The following OR9Q1 variants were observed in gnomAD, a reference collection of about 807,000 sequenced individuals.
OR9Q1 encodes the protein olfactory receptor 9Q1.
For synonymous variants in OR9Q1, 153 were observed against 148.6 expected, an observed-to-expected ratio of 1.03 and a Z score of -0.22; for missense variants, 374 against 378.8, an observed-to-expected ratio of 0.99 and a Z score of 0.11.
chr11:58,111,514 A>C (rs1853898921), intron 2 of OR9Q1, among the ~76,000 whole-genome samples: 1 of 152,142 alleles, frequency 6.6e-6, no homozygotes, highest in South Asian at 2.1e-4. Context: ...GAAATAGAAA[A>C]ATTATTTCAG....
At position 58,088,281 on chromosome 11, in the gene OR9Q1, T is replaced by A. The variant is rs187343160; in HGVS notation, c.-15+32334T>A. 6.1e-3 allele frequency among the ~76,000 whole-genome samples: 927 copies of A among 152,130 alleles called. 10 individuals carry two copies. Among genetic ancestry groups the A allele is most frequent in the Middle Eastern group, 0.01 (3 of 294 alleles). On this transcript the variant is annotated intron_variant, in intron 2 of 2. Coordinates refer to ENST00000335397, the MANE Select transcript of OR9Q1 (RefSeq NM_001005212.4). ...ATTGTAAATAGTGCTGCAATAAACA[T>A]ATGTGTGCATGTGTCTTTATAGTAG...
At chr11:58,073,654 C>T (rs914196619) in intron 2 of OR9Q1, 1 of 152,126 alleles carries the variant, frequency 6.6e-6, no homozygotes, top group African/African-American at 2.4e-5. Flanking sequence ...TTTTATTATA[C>T]TTTAAGTTCT....
intron 1 of OR9Q1, among the ~76,000 whole-genome samples, chr11:58,048,153 A>G (rs908747095): frequency 6.6e-6 from 1 of 152,178 alleles, no homozygotes; most frequent in African/African-American, 2.4e-5. Context: ...CAATCCATCC[A>G]TACGAATTAC....
intron 1 of OR9Q1, among the ~76,000 whole-genome samples, chr11:58,045,731 C>T (rs1565059013): frequency 6.6e-6 from 1 of 152,162 alleles, no homozygotes; most frequent in Non-Finnish European, 1.5e-5. Flanking sequence ...GACTAATTTT[C>T]CCCTAGCCCC....
intron 2 of OR9Q1, among the ~76,000 whole-genome samples, chr11:58,155,297 A>G (rs1217430802): frequency 1.3e-5 from 2 of 152,200 alleles, no homozygotes; most frequent in Non-Finnish European, 2.9e-5. Context: ...CTCAAAGTCA[A>G]CTGATTTAAA....
chr11:58,124,104 T>A (rs1854064348), intron 2 of OR9Q1, among the ~76,000 whole-genome samples: 1 of 152,072 alleles, frequency 6.6e-6, no homozygotes, highest in African/African-American at 2.4e-5. Context: ...AGGGAAAAAT[T>A]TTAGGAGCAG....
At chr11:58,101,246 T>G (rs2120086201) in intron 2 of OR9Q1, among the ~76,000 whole-genome samples, 1 of 152,270 alleles carries the variant, frequency 6.6e-6, no homozygotes, top group East Asian at 1.9e-4. Flanking sequence ...TAATTTACAT[T>G]TTCACCAGCA....
chr11:58,063,962 T>A (rs1314922839), intron 2 of OR9Q1, among the ~76,000 whole-genome samples: 1 of 152,178 alleles, frequency 6.6e-6, no homozygotes, highest in Non-Finnish European at 1.5e-5. Context: ...AATGAGATGA[T>A]CCTAGCCTGG....
intron 2 of OR9Q1, among the ~76,000 whole-genome samples, chr11:58,084,837 A>G (rs1238380228): frequency 1.3e-5 from 2 of 151,840 alleles, no homozygotes; most frequent in East Asian, 3.8e-4. Context: ...CCAACATCAC[A>G]CTGAATGGGA....
chr11:58,160,499 A>T (rs1854447118), intron 2 of OR9Q1, among the ~76,000 whole-genome samples: 1 of 151,940 alleles, frequency 6.6e-6, no homozygotes, highest in Non-Finnish European at 1.5e-5. Flanking sequence ...TTGCTCTGTC[A>T]CCCAGGCTGG....
At chr11:58,139,471 C>A (rs187668019) in intron 2 of OR9Q1, among the ~76,000 whole-genome samples, 3 of 151,116 alleles carry the variant, frequency 2.0e-5, no homozygotes, top group African/African-American at 7.3e-5. Flanking sequence ...GTGTGATGTT[C>A]CCCTTCCTGT....
chr11:58,032,641 C>T (rs1853053900), intron 1 of OR9Q1, among the ~76,000 whole-genome samples: 1 of 152,082 alleles, frequency 6.6e-6, no homozygotes, highest in African/African-American at 2.4e-5. Flanking sequence ...AAATATAAGA[C>T]CTCAAACTAT....
At chr11:58,174,060 A>G (rs902219451) in intron 2 of OR9Q1, among the ~76,000 whole-genome samples, 4 of 152,150 alleles carry the variant, frequency 2.6e-5, no homozygotes, top group Non-Finnish European at 5.9e-5. Context: ...TATGGACAAT[A>G]GGAATATTGG....
intron 2 of OR9Q1, among the ~76,000 whole-genome samples, chr11:58,096,132 C>T (rs1167145860): frequency 6.7e-6 from 1 of 150,190 alleles, no homozygotes; most frequent in Non-Finnish European, 1.5e-5. Flanking sequence ...CATTTTCTCT[C>T]TCTCTCTCTT....
At chr11:58,123,416 C>G (rs1854055682) in intron 2 of OR9Q1, among the ~76,000 whole-genome samples, 1 of 152,146 alleles carries the variant, frequency 6.6e-6, no homozygotes, top group African/African-American at 2.4e-5. Flanking sequence ...TCCTGGGGGT[C>G]TCTCTGATTA....
rs573607631 is a variant in OR9Q1 at position 58,087,522 on chromosome 11, G to T, written c.-15+31575G>T. On this transcript the variant is annotated intron_variant, in intron 2 of 2. Coordinates refer to ENST00000335397, the MANE Select transcript of OR9Q1 (RefSeq NM_001005212.4). ...ATTTAATAAGCTCTAAGTATATTTTGTTAAATGAAACGAAGGATATTCTTC... is the reference window on the plus strand; with the variant it reads ...ATTTAATAAGCTCTAAGTATATTTTTTTAAATGAAACGAAGGATATTCTTC... Among the ~76,000 whole-genome samples, 11 of 151,918 alleles carry T rather than the reference G, an allele frequency of 7.2e-5. No individual in the cohort carries two copies. In the South Asian group the frequency reaches 1.0e-3, roughly 14 times the overall value.
Position 58,180,697 on chromosome 11 carries a change from AT to A in OR9Q1, c.*324del. ...TTTTTTGCAAAATTTTTAATGAAAGATTTTCATCATATAGAAATGTTAAAAA... is the reference window on the plus strand; with the variant it reads ...TTTTTTGCAAAATTTTTAATGAAAGATTTCATCATATAGAAATGTTAAAAA... On this transcript the variant is annotated 3_prime_UTR_variant, in exon 3 of 3. Transcript: ENST00000335397. 4.7e-6 allele frequency: 1 copy of A among 213,636 alleles called. No individual in the cohort carries two copies. The allele number at this position is 213,636 out of a possible 1,614,324, so 13.2% of individuals were successfully genotyped here. A position where few individuals can be genotyped will look rare whatever the true frequency, so the allele number is the denominator to read the frequency against.
intron 2 of OR9Q1, among the ~76,000 whole-genome samples, chr11:58,057,025 C>T (rs1724183378): frequency 7.5e-6 from 1 of 133,298 alleles, no homozygotes; most frequent in Non-Finnish European, 1.6e-5. Flanking sequence ...GATGGAGTCT[C>T]ACTCTGTCAC....
chr11:58,046,449 C>T (rs1853217335), intron 1 of OR9Q1, among the ~76,000 whole-genome samples: 2 of 152,160 alleles, frequency 1.3e-5, no homozygotes, highest in African/African-American at 4.8e-5. Context: ...TTACTCTTAT[C>T]ATAGAGGTAT....
Sources: gnomAD v4.1 joint callset for allele counts (sites outside exome capture counted in the v4.1 genomes callset) on GRCh38, gnomAD v4.1.1 for gene constraint, MANE v1.5 for transcripts, NCBI Gene and HGNC (gene_info 2026-07-23, HGNC 2026-07-21) for gene names.